The following COQ2 variants were observed in gnomAD, a reference collection of about 807,000 sequenced individuals.
The protein encoded by COQ2 is coenzyme Q2, polyprenyltransferase.
COQ2 carries 25 observed loss-of-function variants against 35.7 expected under a neutral mutation model. That is an observed-to-expected ratio of 0.70 (90% CI 0.51 to 0.98). The LOEUF (loss-of-function observed/expected upper bound fraction) is 0.98, where lower values mean the gene tolerates loss of function less well. COQ2 is among the 50% of genes least tolerant of loss of function. The pLI, the probability that COQ2 is intolerant of heterozygous loss-of-function variation, is 0.00. For missense variants in COQ2, 488 were observed against 473.5 expected (o/e 1.03, Z -0.28); for synonymous variants, 206 against 186.2 (o/e 1.11, Z -0.86).
chr4:83,264,055 C>T lies in COQ2; in HGVS notation c.*144G>A. On this transcript the variant is annotated 3_prime_UTR_variant, in exon 7 of 7. Transcript: ENST00000647002. The stretch of plus-strand genomic sequence containing the variant: ...CTGTGACAAGGGGGAATTTTGCTAG[C>T]AAATAAGTAAAATCCAGGTAAATAT... 1.7e-6 allele frequency: 1 copy of T among 587,662 alleles called. No individual in the cohort carries two copies. Among genetic ancestry groups the T allele is most frequent in the Non-Finnish European group, 2.7e-6 (1 of 366,992 alleles). 36.4% of individuals were successfully genotyped at this position (587,662 alleles called of 1,614,324 possible). A position where few individuals can be genotyped will look rare whatever the true frequency, so the allele number is the denominator to read the frequency against.
At position 83,264,372 on chromosome 4, in the gene COQ2, G is replaced by C. The variant is rs561450756; in HGVS notation, c.952-9C>G. 1 of 1,590,052 alleles carries C rather than the reference G, an allele frequency of 6.3e-7. No individual in the cohort carries two copies. Among genetic ancestry groups the C allele is most frequent in the Non-Finnish European group, 8.5e-7 (1 of 1,171,612 alleles). ...ATGTCTAGAGTGTAAATCTGCAAGA[G>C]AGGAATACAAAGTTGTATTAATACC... On this transcript the variant is annotated splice_polypyrimidine_tract_variant and intron_variant, in intron 6 of 6. Coordinates refer to ENST00000647002, the MANE Select transcript of COQ2 (RefSeq NM_001358921.2).
At chr4:83,283,477 A>C (rs935823376) in intron 1 of COQ2, 16 of 985,326 alleles carry the variant, frequency 1.6e-5, no homozygotes, top group Admixed American at 6.1e-5. Context: ...TACTTCCCGC[A>C]CTAAGATCTC....
In COQ2 at chr4:83,269,860, C is replaced by A; in HGVS notation, c.762G>T (p.Gln254His). 1 of 1,563,022 alleles carries A rather than the reference C, an allele frequency of 6.4e-7. No individual in the cohort carries two copies. The change falls in exon 5 of 7, where the codon CAG becomes CAT. Residue 254 changes from glutamine (Q) to histidine (H), a missense_variant and splice_region_variant. Transcript: ENST00000647002. ...AGTTAAGAAAAGATAATTTCTTTACCTGATGGGCATAAATAGTATCATATA... is the reference window on the plus strand; with the variant it reads ...AGTTAAGAAAAGATAATTTCTTTACATGATGGGCATAAATAGTATCATATA... ...TLIYDTIYAH[Q>H]DKRDDVLIGL...
intron 6 of COQ2, among the ~76,000 whole-genome samples, chr4:83,266,442 C>G (rs1012001617): frequency 1.5e-4 from 22 of 151,504 alleles, no homozygotes; most frequent in African/African-American, 5.1e-4. Context: ...ACTGGAACCT[C>G]TACCTCCTGG....
intron 4 of COQ2, among the ~76,000 whole-genome samples, chr4:83,271,412 C>T (rs1735044756): frequency 6.6e-6 from 1 of 152,176 alleles, no homozygotes; most frequent in Non-Finnish European, 1.5e-5. Context: ...TACACTTTAA[C>T]CCTTGTTTTC....
intron 6 of COQ2, among the ~76,000 whole-genome samples, chr4:83,265,105 T>C (rs1270485590): frequency 6.6e-6 from 1 of 152,232 alleles, no homozygotes; most frequent in Non-Finnish European, 1.5e-5. Flanking sequence ...GTACTCCTTT[T>C]TCCCCATGGT....
At chr4:83,274,652 T>G (rs1303278332) in intron 2 of COQ2, among the ~76,000 whole-genome samples, 1 of 152,242 alleles carries the variant, frequency 6.6e-6, no homozygotes, top group Non-Finnish European at 1.5e-5. Flanking sequence ...TGTATTAAGG[T>G]GAGGATTCTG....
intron 1 of COQ2, among the ~76,000 whole-genome samples, chr4:83,282,979 G>A (rs937139029): frequency 6.6e-6 from 1 of 152,160 alleles, no homozygotes; most frequent in Non-Finnish European, 1.5e-5. Context: ...CCATGCCACA[G>A]ACTCCAAGAA....
At chr4:83,274,689 C>T (rs892612281) in intron 2 of COQ2, among the ~76,000 whole-genome samples, 1 of 152,254 alleles carries the variant, frequency 6.6e-6, no homozygotes, top group African/African-American at 2.4e-5. Flanking sequence ...GGAGGTTGCT[C>T]ACCTTCTTAA....
In COQ2 at chr4:83,264,031, T is replaced by A; in HGVS notation, c.*168A>T. 2.0e-6 allele frequency: 1 copy of A among 505,284 alleles called. No individual in the cohort carries two copies. 31.3% of individuals were successfully genotyped at this position (505,284 alleles called of 1,614,324 possible). A position where few individuals can be genotyped will look rare whatever the true frequency, so the allele number is the denominator to read the frequency against. On this transcript the variant is annotated 3_prime_UTR_variant, in exon 7 of 7. Coordinates refer to ENST00000647002, the MANE Select transcript of COQ2 (RefSeq NM_001358921.2). ...CAAATCCTGAAGAGTCCCTGGTTTC[T>A]GTGACAAGGGGGAATTTTGCTAGCA...
chr4:83,264,248 T>C lies in COQ2; in HGVS notation c.1067A>G (p.Lys356Arg). 6.2e-7 allele frequency: 1 copy of C among 1,605,274 alleles called. No homozygotes were observed. Among genetic ancestry groups the C allele is most frequent in the Non-Finnish European group, 8.5e-7 (1 of 1,174,760 alleles). ...ACCCTTCTTTGTTTTGTCTGTCTTC[T>C]TTTCTTTCCACAAATTCCCAAGGAC... ...GIVLGNLWKE[K>R]KTDKTKKGIE... The change falls in exon 7 of 7, where the codon AAG becomes AGG. Residue 356 changes from lysine (K) to arginine (R), a missense_variant. Transcript: ENST00000647002.
intron 2 of COQ2, among the ~76,000 whole-genome samples, chr4:83,277,201 A>G (rs1466983372): frequency 6.6e-6 from 1 of 152,216 alleles, no homozygotes; most frequent in African/African-American, 2.4e-5. Context: ...TTTTAAAGAA[A>G]AAAAAAGGAC....
intron 1 of COQ2, among the ~76,000 whole-genome samples, chr4:83,281,816 T>TA (rs913652574): frequency 2.0e-5 from 3 of 151,958 alleles, no homozygotes; most frequent in East Asian, 1.9e-4. Context: ...ACCACACAGG[T>TA]AAAAAAAGGC....
chr4:83,267,210 T>A, intron 6 of COQ2: 1 of 452,826 alleles, frequency 2.2e-6, no homozygotes, highest in South Asian at 1.6e-5. Flanking sequence ...ACCCCATTTC[T>A]ACAAAAAATA....
intron 2 of COQ2, among the ~76,000 whole-genome samples, chr4:83,274,476 T>C (rs867190378): frequency 1.3e-5 from 2 of 152,354 alleles, no homozygotes; most frequent in East Asian, 3.9e-4. Flanking sequence ...ATTATAAGCG[T>C]GAGCCACGGT....
upstream of COQ2, chr4:83,284,955 G>A (rs2126177364): frequency 1.4e-6 from 2 of 1,384,426 alleles, no homozygotes; most frequent in Admixed American, 3.4e-5. Flanking sequence ...AATGAAAAAG[G>A]GATTTCTATT....
chr4:83,284,126 G>C (rs1407063170), intron 1 of COQ2: 2 of 985,318 alleles, frequency 2.0e-6, no homozygotes, highest in South Asian at 4.7e-5. Context: ...ATAAATGAAG[G>C]AGGGCCACGA....
intron 4 of COQ2, among the ~76,000 whole-genome samples, chr4:83,271,805 C>T (rs1434827073): frequency 6.6e-6 from 1 of 151,834 alleles, no homozygotes; most frequent in African/African-American, 2.4e-5. Context: ...AGATCAAGAC[C>T]CTGTCTCAGA....
At chr4:83,277,952 A>G (rs1421580514) in intron 2 of COQ2, among the ~76,000 whole-genome samples, 2 of 149,406 alleles carry the variant, frequency 1.3e-5, no homozygotes, top group African/African-American at 4.9e-5. Flanking sequence ...CCTGGGCAAC[A>G]AGAGTGAAAC....
Sources: gnomAD v4.1 joint callset for allele counts (sites outside exome capture counted in the v4.1 genomes callset) on GRCh38, gnomAD v4.1.1 for gene constraint, MANE v1.5 for transcripts, NCBI Gene and HGNC (gene_info 2026-07-23, HGNC 2026-07-21) for gene names.